The following MYH7 variants were observed in gnomAD, a reference collection of about 807,000 sequenced individuals.
MYH7 encodes the protein myosin heavy chain 7.
In MYH7, 129 loss-of-function variants were observed where a neutral mutation model predicts 225.4. That is an observed-to-expected ratio of 0.57 (90% CI 0.50 to 0.66). The LOEUF (loss-of-function observed/expected upper bound fraction) is 0.66. MYH7 is among the 30% of genes least tolerant of loss of function. The pLI, the probability that MYH7 is intolerant of heterozygous loss-of-function variation, is 0.00. For synonymous variants in MYH7, 971 were observed against 1,007.6 expected (o/e 0.96, Z 0.69); for missense variants, 1,649 against 2,517.0 (o/e 0.66, Z 7.38).
chr14:23,419,641 G>A lies in MYH7; in HGVS notation c.3727-32C>T, dbSNP rs749887100. 4 of 1,613,880 alleles carry A rather than the reference G, an allele frequency of 2.5e-6. No individual in the cohort carries two copies. The South Asian group carries it at 4.4e-5, about 18-fold the overall frequency. ...AGGGAAGGAGAGTTATATGATGGAT[G>A]TTGGGGGCGGGGGGAATGAAGGGGT... is the stretch of plus-strand genomic sequence containing the variant. On this transcript the variant is annotated intron_variant, in intron 27 of 39. Transcript: ENST00000355349.
intron 29 of MYH7, among the ~76,000 whole-genome samples, chr14:23,418,886 A>C (rs1285726737): frequency 6.6e-6 from 1 of 152,138 alleles, no homozygotes; most frequent in Non-Finnish European, 1.5e-5. Flanking sequence ...CCATTTGTGC[A>C]GTCCCTACAT....
At chr14:23,428,723 T>C (rs878886144) in intron 14 of MYH7, 53 bp from the exon 15 acceptor site, 26 of 1,612,854 alleles carry the variant, frequency 1.6e-5, no homozygotes, top group African/African-American at 2.7e-5. Flanking sequence ...TGAGTGGCCA[T>C]TGGGGCTGTG....
rs1179088209 is a variant in MYH7, at chr14:23,432,801, G to C, written c.346-6C>G. 1.2e-6 allele frequency: 2 copies of C among 1,614,060 alleles called. No individual in the cohort carries two copies. Among genetic ancestry groups the C allele is most frequent in the East Asian group, 2.2e-5 (1 of 44,898 alleles). On this transcript the variant is annotated splice_polypyrimidine_tract_variant and splice_region_variant and intron_variant, in intron 4 of 39. Transcript: ENST00000355349. ...CAGAAGAGGCCCGAGTAGGTCTGGG[G>C]ATAGAAAAGGAGCAGTGACTTGCCA... is the stretch of plus-strand genomic sequence containing the variant.
chr14:23,433,431 A>G lies in MYH7; in HGVS notation c.201+101T>C. The G allele has an allele frequency of 1.4e-6, 2 of 1,481,416 alleles. No individual in the cohort carries two copies. Among genetic ancestry groups the G allele is most frequent in the African/African-American group, 1.4e-5 (1 of 72,426 alleles). 91.8% of individuals were successfully genotyped at this position (1,481,416 alleles called of 1,614,324 possible). A position where few individuals can be genotyped will look rare whatever the true frequency, so the allele number is the denominator to read the frequency against. ...CCCCAAAGGGAAGGAGAATGGGACC[A>G]TCCTCAGGTCTGCATGGGCATGGGG... On this transcript the variant is annotated intron_variant, in intron 3 of 39. Transcript: ENST00000355349. The surrounding 1 kb of genome is among the most constrained non-coding windows in gnomAD (Gnocchi z 4.1).
intron 16 of MYH7, 84 bp from the exon 17 acceptor site, chr14:23,427,391 T>C: frequency 6.4e-7 from 1 of 1,550,446 alleles, no homozygotes; most frequent in Non-Finnish European, 8.9e-7. Context: ...CTTTACATCC[T>C]TGCTGGCATT....
rs1892505814 is a variant in MYH7, at chr14:23,422,293, C to T, written c.3132G>A (p.Val1044=). 1 of 1,614,208 alleles carries T rather than the reference C, an allele frequency of 6.2e-7. No individual in the cohort carries two copies. The highest frequency in any genetic ancestry group is 1.3e-5 in the African/African-American group (1 of 75,044). The change falls in exon 25 of 40, where the codon GTG becomes GTA. Residue 1044 remains valine (V), a synonymous_variant. Coordinates refer to ENST00000355349, the MANE Select transcript of MYH7 (RefSeq NM_000257.4). ...LEGSLEQEKK[V]RMDLERAKRK... ...GCTTCGCTCGCTCCAGGTCCATGCG[C>T]ACCTTCTTCTCTTGCTCCAGGGATC... is the stretch of plus-strand genomic sequence containing the variant.
intron 25 of MYH7, chr14:23,421,660 A>G (rs924918689): frequency 1.3e-6 from 1 of 760,040 alleles, no homozygotes; most frequent in African/African-American, 1.9e-5. Context: ...ATGTTCTGCA[A>G]GCTCACTGTT....
intron 23 of MYH7, 37 bp from the exon 24 acceptor site, chr14:23,423,760 G>T (rs371640392): frequency 1.4e-5 from 23 of 1,613,698 alleles, no homozygotes; most frequent in African/African-American, 1.2e-4. Flanking sequence ...TAGGGTCAAA[G>T]GTCACCAGCT....
intron 30 of MYH7, 73 bp from the exon 31 acceptor site, chr14:23,417,759 C>G: frequency 6.4e-7 from 1 of 1,566,912 alleles, no homozygotes; most frequent in South Asian, 1.1e-5. Context: ...ACAACATGAA[C>G]CTTCTCAAAG....
intron 32 of MYH7, 50 bp from the exon 33 acceptor site, chr14:23,417,042 A>C: frequency 1.2e-6 from 2 of 1,613,996 alleles, no homozygotes; most frequent in East Asian, 2.2e-5. Flanking sequence ...GGTCCAGTGG[A>C]GTTGGAGGGA....
chr14:23,416,837 C>T (rs762666339), intron 33 of MYH7, 31 bp downstream of exon 33: 1 of 1,613,866 alleles, frequency 6.2e-7, no homozygotes, highest in Non-Finnish European at 8.5e-7. Flanking sequence ...AGCTCAGCTC[C>T]CTGCACCCCG....
chr14:23,429,639 G>A (rs1192855273), intron 12 of MYH7, 136 bp downstream of exon 12: 24 of 1,300,262 alleles, frequency 1.8e-5, no homozygotes, highest in Non-Finnish European at 2.5e-5. Context: ...TCGTGCCACT[G>A]CGCTCCAGCC....
At chr14:23,419,802 T>C in intron 27 of MYH7, 43 bp downstream of exon 27, 1 of 1,612,088 alleles carries the variant, frequency 6.2e-7, no homozygotes, top group Non-Finnish European at 8.5e-7. Flanking sequence ...AAAGGGGAGG[T>C]GGGAGGAGGA....
At position 23,423,945 on chromosome 14, in the gene MYH7, C is replaced by A; in HGVS notation, c.2884G>T (p.Ala962Ser). The change falls in exon 23 of 40, where the codon GCC becomes TCC. Residue 962 changes from alanine to serine, a missense_variant. Ala to Ser is a moderately conservative substitution (Grantham distance 99). Transcript: ENST00000355349. ...GCGTGTTTCTCCTTCTCCACTTTGG[C>A]CAGTGTCAGCTCCAGATCATCGATG... ...RDIDDLELTL[A>S]KVEKEKHATE... 6.2e-7 allele frequency: 1 copy of A among 1,614,190 alleles called. No individual in the cohort carries two copies. Among genetic ancestry groups the A allele is most frequent in the Non-Finnish European group, 8.5e-7 (1 of 1,180,040 alleles).
Position 23,412,882 on chromosome 14 carries a change from G to GA in MYH7, c.5791-12dup. 6.2e-7 allele frequency: 1 copy of GA among 1,613,866 alleles called. No individual in the cohort carries two copies. Among genetic ancestry groups the GA allele is most frequent in the Non-Finnish European group, 8.5e-7 (1 of 1,179,854 alleles). On this transcript the variant is annotated splice_polypyrimidine_tract_variant and intron_variant, in intron 39 of 39. Transcript: ENST00000355349. ...CTCCTCATTCAAGCCCTTTTGAAAG[G>GA]AAACAAAGTCCAATCAGTCCTTGGA... is the stretch of plus-strand genomic sequence containing the variant.
In MYH7 at chr14:23,428,680, G is replaced by T. The variant is rs1403090540; in HGVS notation, c.1408-10C>A. 6.2e-7 allele frequency: 1 copy of T among 1,614,042 alleles called. No individual in the cohort carries two copies. Among genetic ancestry groups the T allele is most frequent in the South Asian group, 1.1e-5 (1 of 91,066 alleles). ...GCTCAAAGCTGTTGAACTGCAGGGG[G>T]CATGAGGGGTGGGAGCAGTCAGAAA... On this transcript the variant is annotated splice_polypyrimidine_tract_variant and intron_variant, in intron 14 of 39. Transcript: ENST00000355349.
intron 16 of MYH7, 66 bp from the exon 17 acceptor site, chr14:23,427,373 C>T (rs978852664): frequency 1.9e-6 from 3 of 1,588,552 alleles, no homozygotes; most frequent in African/African-American, 2.7e-5. Flanking sequence ...TAAAGAATCA[C>T]AGCCCCTCTT....
chr14:23,421,320 A>T (rs1307491911), intron 25 of MYH7, among the ~76,000 whole-genome samples: 2 of 152,082 alleles, frequency 1.3e-5, no homozygotes, highest in African/African-American at 4.8e-5. Context: ...CATAATGTAA[A>T]ATGAGGGGGT....
chr14:23,431,946 T>A, intron 6 of MYH7, 77 bp from the exon 7 acceptor site: 1 of 1,470,198 alleles, frequency 6.8e-7, no homozygotes, highest in Non-Finnish European at 9.5e-7. Context: ...AGAGAATGCC[T>A]GGGCCTACCC....
Sources: allele counts gnomAD v4.1 joint callset (sites outside exome capture counted in the v4.1 genomes callset), GRCh38; gene constraint gnomAD v4.1.1; non-coding constraint Gnocchi (gnomAD v3.1); transcripts MANE v1.5; gene names NCBI Gene and HGNC (gene_info 2026-07-23, HGNC 2026-07-21).